PDS5A: variants seen among roughly 807,000 people sequenced by gnomAD.
The protein encoded by PDS5A is PDS5 cohesin associated factor A.
In PDS5A, 42 loss-of-function variants were observed where a neutral mutation model predicts 167.1. That is an observed-to-expected ratio of 0.25 (90% CI 0.20 to 0.33). The LOEUF (loss-of-function observed/expected upper bound fraction) is 0.33. PDS5A is among the 10% of genes least tolerant of loss of function. The pLI is 1.00. For missense variants in PDS5A, 1,033 were observed against 1,605.9 expected, an observed-to-expected ratio of 0.64 and a Z score of 6.10; for synonymous variants, 553 against 554.6, an observed-to-expected ratio of 1.00 and a Z score of 0.04.
At position 39,977,230 on chromosome 4, in the gene PDS5A, G is replaced by A. The variant is rs925165490; in HGVS notation, c.-41+227C>T. Among the ~76,000 whole-genome samples, 2 of 152,028 alleles carry A rather than the reference G, an allele frequency of 1.3e-5. No homozygotes were observed. Among genetic ancestry groups the A allele is most frequent in the Non-Finnish European group, 2.9e-5 (2 of 67,960 alleles). ...ACCCTCAGCCCCACGCCAGGAAGCG[G>A]CTGACGCGCCTCCGCACTTCACATT... On this transcript the variant is annotated intron_variant, in intron 1 of 32. Transcript: ENST00000303538. This position sits in a 1 kb window ranked among gnomAD's most constrained non-coding sequence, Gnocchi z 4.2.
At chr4:39,922,416 A>G (rs1257254522) in intron 6 of PDS5A, among the ~76,000 whole-genome samples, 2 of 152,232 alleles carry the variant, frequency 1.3e-5, no homozygotes, top group Non-Finnish European at 2.9e-5. Context: ...CAGCACTTAA[A>G]TGAATGAAAC....
intron 2 of PDS5A, among the ~76,000 whole-genome samples, chr4:39,928,981 A>G (rs1725716122): frequency 6.6e-6 from 1 of 152,126 alleles, no homozygotes; most frequent in Non-Finnish European, 1.5e-5. Flanking sequence ...ATAAAAGAAA[A>G]ATCCATAATT....
intron 11 of PDS5A, among the ~76,000 whole-genome samples, chr4:39,907,195 T>C (rs1287641708): frequency 6.6e-6 from 1 of 152,184 alleles, no homozygotes; most frequent in Non-Finnish European, 1.5e-5. Flanking sequence ...GAGAGAGTCA[T>C]TTCATTTAAA....
At chr4:39,913,781 A>G (rs1724101204) in intron 8 of PDS5A, 55 bp from the exon 9 acceptor site, 3 of 904,882 alleles carry the variant, frequency 3.3e-6, no homozygotes, top group Non-Finnish European at 5.6e-6. Flanking sequence ...GATTACAGAA[A>G]ATATCTTGAA....
chr4:39,850,183 A>G (rs1330947947), intron 26 of PDS5A, among the ~76,000 whole-genome samples: 1 of 151,460 alleles, frequency 6.6e-6, no homozygotes, highest in African/African-American at 2.4e-5. Context: ...GAGGCAGGAG[A>G]ATGGCGTGAA....
chr4:39,850,324 CA>C (rs150193162), intron 26 of PDS5A, among the ~76,000 whole-genome samples: 1 of 148,706 alleles, frequency 6.7e-6, no homozygotes, highest in Non-Finnish European at 1.5e-5. Context: ...CCCATCTCTA[CA>C]AAAAAAATAC....
chr4:39,855,628 T>C (rs1718467931), intron 26 of PDS5A, among the ~76,000 whole-genome samples: 1 of 152,042 alleles, frequency 6.6e-6, no homozygotes, highest in African/African-American at 2.4e-5. Flanking sequence ...AGAATACTGA[T>C]AAAGAGACAG....
intron 32 of PDS5A, among the ~76,000 whole-genome samples, chr4:39,827,483 A>T (rs1056863122): frequency 3.9e-5 from 6 of 152,084 alleles, no homozygotes; most frequent in Non-Finnish European, 8.8e-5. Flanking sequence ...CTTCTGAAAA[A>T]TTTCATGTTA....
intron 17 of PDS5A, among the ~76,000 whole-genome samples, chr4:39,883,180 T>C (rs984908171): frequency 1.3e-5 from 2 of 151,492 alleles, no homozygotes; most frequent in Non-Finnish European, 3.0e-5. Flanking sequence ...AACTAGCATC[T>C]TTTTTTTTAA....
chr4:39,929,754 A>AT (rs977057829), intron 2 of PDS5A, among the ~76,000 whole-genome samples: 13 of 147,200 alleles, frequency 8.8e-5, no homozygotes, highest in East Asian at 5.9e-4. Flanking sequence ...TATTATTATT[A>AT]TTTTTTTTTG....
intron 17 of PDS5A, among the ~76,000 whole-genome samples, chr4:39,880,709 A>T (rs1396652734): frequency 6.6e-6 from 1 of 152,190 alleles, no homozygotes; most frequent in Non-Finnish European, 1.5e-5. Flanking sequence ...CATGGGGTAC[A>T]CAGTGATGTT....
intron 31 of PDS5A, among the ~76,000 whole-genome samples, chr4:39,839,298 A>G (rs1040759484): frequency 1.1e-4 from 16 of 151,958 alleles, no homozygotes; most frequent in African/African-American, 3.9e-4. Flanking sequence ...TCGGGCGGGC[A>G]TGGTGGCTCA....
intron 17 of PDS5A, among the ~76,000 whole-genome samples, chr4:39,882,643 G>A (rs1721060902): frequency 6.6e-6 from 1 of 152,070 alleles, no homozygotes; most frequent in South Asian, 2.1e-4. Context: ...CAAGTCTTAT[G>A]GTCTACCTGA....
rs1166233113 is a variant in PDS5A at position 39,833,191 on chromosome 4, C to CAAAAAAA, written c.4010+4658_4010+4664dup. Among the ~76,000 whole-genome samples, 214 of 37,434 alleles carry CAAAAAAA rather than the reference C, an allele frequency of 5.7e-3. 1 individual carries two copies. Among genetic ancestry groups the CAAAAAAA allele is most frequent in the African/African-American group, 0.015 (116 of 7,662 alleles). The allele number at this position is 37,434 out of a possible 152,430, so 24.6% of individuals were successfully genotyped here. On this transcript the variant is annotated intron_variant, in intron 32 of 32. Transcript: ENST00000303538. Reference sequence around the variant, plus strand: ...GGGCCACAAGAGTGAAACTCCGTCTCAAAAAAAAAAAAAAAAAAAAAAAAA... The same window carrying CAAAAAAA: ...GGGCCACAAGAGTGAAACTCCGTCTCAAAAAAAAAAAAAAAAAAAAAAAAAAAAAAAA...
intron 2 of PDS5A, among the ~76,000 whole-genome samples, chr4:39,958,495 A>C (rs1414584589): frequency 1.3e-5 from 2 of 148,966 alleles, no homozygotes; most frequent in African/African-American, 2.5e-5. Context: ...CCCAAGAGCG[A>C]AACTGTGTCT....
chr4:39,872,517 T>C (rs775528536), intron 21 of PDS5A, among the ~76,000 whole-genome samples: 12 of 151,882 alleles, frequency 7.9e-5, no homozygotes, highest in Non-Finnish European at 1.5e-4. Flanking sequence ...ACACAAAAAT[T>C]AGCCAGGCGT....
chr4:39,850,162 C>T (rs1717993375), intron 26 of PDS5A, among the ~76,000 whole-genome samples: 1 of 151,732 alleles, frequency 6.6e-6, no homozygotes, highest in Non-Finnish European at 1.5e-5. Context: ...GTCCCGGCTA[C>T]TCGGGAGGCT....
chr4:39,840,635 A>ATCCACCCATC (rs1716910646), intron 31 of PDS5A, among the ~76,000 whole-genome samples: 1 of 150,800 alleles, frequency 6.6e-6, no homozygotes, highest in Non-Finnish European at 1.5e-5. Flanking sequence ...ACCTCAGGCG[A>ATCCACCCATC]TTTGCCTGCC....
At chr4:39,940,060 T>C (rs1727080169) in intron 2 of PDS5A, among the ~76,000 whole-genome samples, 1 of 151,984 alleles carries the variant, frequency 6.6e-6, no homozygotes, top group South Asian at 2.1e-4. Context: ...GAGTTTAAGA[T>C]GGGCCTGGCT....
Sources: allele counts gnomAD v4.1 joint callset (sites outside exome capture counted in the v4.1 genomes callset), GRCh38; gene constraint gnomAD v4.1.1; non-coding constraint Gnocchi (gnomAD v3.1); transcripts MANE v1.5; gene names NCBI Gene and HGNC (gene_info 2026-07-23, HGNC 2026-07-21).